The following KPNA4 variants were observed in gnomAD, a reference collection of about 807,000 sequenced individuals.
KPNA4 encodes the protein importin subunit alpha-3.
In KPNA4, 13 loss-of-function variants were observed where a neutral mutation model predicts 71.3. The ratio of observed to expected loss-of-function variants is 0.18; its 90% CI spans 0.12 to 0.29. KPNA4 has a LOEUF of 0.29. KPNA4 is among the 10% of genes least tolerant of loss of function. The pLI is 1.00. For synonymous variants in KPNA4, 189 were observed against 195.2 expected, an observed-to-expected ratio of 0.97 and a Z score of 0.26; for missense variants, 334 against 603.2, an observed-to-expected ratio of 0.55 and a Z score of 4.67.
At chr3:160,506,494 C>A (rs1460591170) in intron 15 of KPNA4, among the ~76,000 whole-genome samples, 1 of 151,882 alleles carries the variant, frequency 6.6e-6, no homozygotes, top group Non-Finnish European at 1.5e-5. Flanking sequence ...TAACTGGTCT[C>A]TTCCTGCCTC....
chr3:160,508,623 TTTAA>T (rs924455043), intron 14 of KPNA4, among the ~76,000 whole-genome samples: 35 of 152,204 alleles, frequency 2.3e-4, no homozygotes, highest in East Asian at 7.7e-4. Context: ...CTATTTTTAA[TTTAA>T]TTAATTAATT....
At chr3:160,550,042 T>C (rs1316693537) in intron 1 of KPNA4, among the ~76,000 whole-genome samples, 1 of 152,238 alleles carries the variant, frequency 6.6e-6, no homozygotes, top group African/African-American at 2.4e-5. Context: ...TGTTAGTGTA[T>C]AGAAACAGCT....
At chr3:160,514,297 A>T (rs1436769595) in intron 12 of KPNA4, 116 bp from the exon 13 acceptor site, 4 of 653,696 alleles carry the variant, frequency 6.1e-6, no homozygotes, top group Non-Finnish European at 9.8e-6. Flanking sequence ...TGAGCTCCAT[A>T]ATAAAAATCT....
intron 8 of KPNA4, among the ~76,000 whole-genome samples, chr3:160,526,490 C>T (rs537875616): frequency 7.0e-4 from 106 of 152,180 alleles, no homozygotes; most frequent in Non-Finnish European, 1.4e-3. Context: ...CTATAAATTA[C>T]TCTATACACT....
intron 1 of KPNA4, among the ~76,000 whole-genome samples, chr3:160,539,653 T>C (rs1721757097): frequency 6.6e-6 from 1 of 152,122 alleles, no homozygotes; most frequent in African/African-American, 2.4e-5. Context: ...CAATAAGCAA[T>C]TCTAGTAACA....
chr3:160,521,436 C>CA (rs1426597085), intron 11 of KPNA4, among the ~76,000 whole-genome samples: 1 of 151,928 alleles, frequency 6.6e-6, no homozygotes, highest in African/African-American at 2.4e-5. Flanking sequence ...CTGACTGTAT[C>CA]AAAAATAGAA....
chr3:160,512,738 G>A (rs1043545918), intron 13 of KPNA4, among the ~76,000 whole-genome samples: 2 of 151,996 alleles, frequency 1.3e-5, no homozygotes, highest in Admixed American at 6.6e-5. Flanking sequence ...AGGCTGAGGC[G>A]CAAGAATCGC....
At chr3:160,546,082 T>C (rs1228760373) in intron 1 of KPNA4, among the ~76,000 whole-genome samples, 1 of 151,396 alleles carries the variant, frequency 6.6e-6, no homozygotes, top group Non-Finnish European at 1.5e-5. Context: ...ACTAAAAATA[T>C]CAATTTGGAA....
In KPNA4 at chr3:160,495,743, C is replaced by T. The variant is rs995827950; in HGVS notation, c.*6361G>A. 1 of 150,780 alleles carries T rather than the reference C, an allele frequency of 6.6e-6. No individual in the cohort carries two copies. The highest frequency in any genetic ancestry group is 2.4e-5 in the African/African-American group (1 of 40,864). 9.3% of individuals were successfully genotyped at this position (150,780 alleles called of 1,614,324 possible). ...GGCGGAATATACCCATTTATGAAGG[C>T]AGCACATCGGCAAGTAAAAATGTAA... On this transcript the variant is annotated 3_prime_UTR_variant, in exon 17 of 17. Transcript: ENST00000334256.
At chr3:160,519,761 G>A (rs570740042) in intron 11 of KPNA4, among the ~76,000 whole-genome samples, 7 of 141,474 alleles carry the variant, frequency 4.9e-5, no homozygotes, top group Non-Finnish European at 1.0e-4. Flanking sequence ...TGCCACTGCA[G>A]TCCGCAGTCC....
rs1328042373 is a variant in KPNA4 at position 160,565,268 on chromosome 3, C to T, written c.15G>A (p.Glu5=). 2 of 1,607,682 alleles carry T rather than the reference C, an allele frequency of 1.2e-6. No individual in the cohort carries two copies. The highest frequency in any genetic ancestry group is 2.7e-5 in the African/African-American group (2 of 74,760). The part of the protein sequence containing the change: MADN[E]KLDNQRLKNF... The stretch of plus-strand genomic sequence containing the variant: ...TCTTGAGCCGTTGGTTGTCCAGTTT[C>T]TCGTTGTCCGCCATGGCCGGGCCGG... The change falls in exon 1 of 17, where the codon GAG becomes GAA. Residue 5 remains glutamate (E), a synonymous_variant. Transcript: ENST00000334256.
At chr3:160,506,809 G>C (rs1350400985) in intron 15 of KPNA4, among the ~76,000 whole-genome samples, 1 of 152,060 alleles carries the variant, frequency 6.6e-6, no homozygotes, top group African/African-American at 2.4e-5. Context: ...CCCATCTCTT[G>C]TTCCTAACTC....
chr3:160,527,707 T>C (rs1272475992), intron 8 of KPNA4, among the ~76,000 whole-genome samples: 10 of 152,172 alleles, frequency 6.6e-5, no homozygotes, highest in Admixed American at 6.5e-4. Flanking sequence ...ATTGTATACA[T>C]CTTGCATAAT....
At chr3:160,518,527 G>C (rs898354693) in intron 11 of KPNA4, among the ~76,000 whole-genome samples, 2 of 151,122 alleles carry the variant, frequency 1.3e-5, no homozygotes, top group Admixed American at 1.3e-4. Flanking sequence ...TGTTGAAAAG[G>C]TTATTCTTTC....
chr3:160,554,971 G>A (rs747666546), intron 1 of KPNA4, among the ~76,000 whole-genome samples: 20 of 152,214 alleles, frequency 1.3e-4, no homozygotes, highest in Non-Finnish European at 5.9e-5. Flanking sequence ...CAGGTAGTGC[G>A]AACTCTATGT....
intron 8 of KPNA4, among the ~76,000 whole-genome samples, chr3:160,527,221 G>A (rs1721477256): frequency 6.6e-6 from 1 of 151,992 alleles, no homozygotes; most frequent in Admixed American, 6.6e-5. Context: ...AGCTATACTG[G>A]GGCACAATAC....
At chr3:160,546,678 T>C (rs1449729680) in intron 1 of KPNA4, among the ~76,000 whole-genome samples, 1 of 152,206 alleles carries the variant, frequency 6.6e-6, no homozygotes, top group African/African-American at 2.4e-5. Context: ...CACCAACCTT[T>C]GTTTGGATAA....
In KPNA4 at chr3:160,565,300, C is replaced by T. The variant is rs1470812811; in HGVS notation, c.-18G>A. 6.3e-7 allele frequency: 1 copy of T among 1,582,020 alleles called. No homozygotes were observed. Among genetic ancestry groups the T allele is most frequent in the Non-Finnish European group, 8.6e-7 (1 of 1,163,430 alleles). ...TCCGCCATGGCCGGGCCGGTGACTC[C>T]TTCCCCCGCCCGGGCCCCGCGGGAT... On this transcript the variant is annotated 5_prime_UTR_variant, in exon 1 of 17. Coordinates refer to ENST00000334256, the MANE Select transcript of KPNA4 (RefSeq NM_002268.5).
chr3:160,527,854 G>A, intron 8 of KPNA4, 99 bp downstream of exon 8: 2 of 811,548 alleles, frequency 2.5e-6, no homozygotes, highest in Non-Finnish European at 2.0e-6. Context: ...AACTAGTACT[G>A]AAGGCAAACT....
Sources: gnomAD v4.1 joint callset for allele counts (sites outside exome capture counted in the v4.1 genomes callset) on GRCh38, gnomAD v4.1.1 for gene constraint, MANE v1.5 for transcripts, NCBI Gene and HGNC (gene_info 2026-07-23, HGNC 2026-07-21) for gene names.